PLEKHH2: variants seen among roughly 807,000 people sequenced by gnomAD.
PLEKHH2 encodes the protein pleckstrin homology domain-containing family H member 2.
In PLEKHH2, 129 loss-of-function variants were observed where a neutral mutation model predicts 187.9. That is an observed-to-expected ratio of 0.69 (90% CI 0.59 to 0.79). The LOEUF (loss-of-function observed/expected upper bound fraction) is 0.79, where lower values mean the gene tolerates loss of function less well. Ranked by LOEUF, PLEKHH2 falls within the 30% of genes least tolerant of loss-of-function variation. The pLI is 0.00. For synonymous variants in PLEKHH2, 686 were observed against 605.6 expected, an observed-to-expected ratio of 1.13 and a Z score of -1.95; for missense variants, 2,076 against 1,751.2, an observed-to-expected ratio of 1.19 and a Z score of -3.31.
At chr2:43,721,750 G>T (rs974655367) in intron 16 of PLEKHH2, among the ~76,000 whole-genome samples, 1 of 152,094 alleles carries the variant, frequency 6.6e-6, no homozygotes, top group Non-Finnish European at 1.5e-5. Context: ...GCTGAGTGTG[G>T]TAGTGTGTGC....
At chr2:43,676,890 A>G (rs1339069349) in intron 2 of PLEKHH2, among the ~76,000 whole-genome samples, 1 of 152,206 alleles carries the variant, frequency 6.6e-6, no homozygotes, top group African/African-American at 2.4e-5. Flanking sequence ...ATGAGAACAC[A>G]CCACTTCCTT....
At chr2:43,704,824 T>A (rs1669574244) in intron 9 of PLEKHH2, among the ~76,000 whole-genome samples, 1 of 152,252 alleles carries the variant, frequency 6.6e-6, no homozygotes, top group South Asian at 2.1e-4. Flanking sequence ...TGTGTAAACT[T>A]TCAAAAAATG....
chr2:43,762,237 A>G, intron 27 of PLEKHH2, 67 bp from the exon 28 acceptor site: 1 of 1,212,524 alleles, frequency 8.2e-7, no homozygotes, highest in South Asian at 1.3e-5. Flanking sequence ...CATGACATTT[A>G]GACTGAAAAA....
intron 11 of PLEKHH2, 61 bp downstream of exon 11, chr2:43,707,606 T>C (rs1669726066): frequency 6.3e-7 from 1 of 1,580,816 alleles, no homozygotes; most frequent in Non-Finnish European, 8.6e-7. Flanking sequence ...TAATTGGGAA[T>C]TTTATCTCCA....
intron 10 of PLEKHH2, 56 bp from the exon 11 acceptor site, chr2:43,707,345 T>G: frequency 6.3e-7 from 1 of 1,596,550 alleles, no homozygotes; most frequent in Non-Finnish European, 8.6e-7. Context: ...AGCCTTTTCT[T>G]GGATGAGTGG....
At chr2:43,683,784 C>CT (rs569473543) in intron 3 of PLEKHH2, among the ~76,000 whole-genome samples, 25,124 of 148,116 alleles carry the variant, frequency 0.17, 2,142 homozygotes, top group Middle Eastern at 0.26. Flanking sequence ...CTCTCTCTCT[C>CT]TTTTTTTTTT....
At chr2:43,705,251 C>CTTTTTTTTTTTTTTTTT (rs5830767) in intron 9 of PLEKHH2, among the ~76,000 whole-genome samples, 1 of 95,868 alleles carries the variant, frequency 1.0e-5, no homozygotes, top group Non-Finnish European at 1.9e-5. Context: ...AAATTTTATC[C>CTTTTTTTTTTTTTTTTT]TTTTTTTTTT....
intron 3 of PLEKHH2, among the ~76,000 whole-genome samples, chr2:43,690,173 C>A (rs553190716): frequency 1.3e-5 from 2 of 152,348 alleles, no homozygotes; most frequent in East Asian, 3.9e-4. Flanking sequence ...GATTACTGTT[C>A]AGCTGTCTGT....
chr2:43,685,804 C>G (rs950065799), intron 3 of PLEKHH2, among the ~76,000 whole-genome samples: 6 of 152,134 alleles, frequency 3.9e-5, no homozygotes, highest in African/African-American at 1.4e-4. Flanking sequence ...CAAATCAACC[C>G]AGTTCTACTT....
intron 8 of PLEKHH2, among the ~76,000 whole-genome samples, chr2:43,702,414 T>C (rs1192612440): frequency 2.6e-5 from 4 of 152,142 alleles, no homozygotes. Context: ...ATTCTAATTA[T>C]GTTATACTTT....
chr2:43,764,502 C>T (rs1020513016), intron 29 of PLEKHH2, 137 bp downstream of exon 29: 1 of 864,950 alleles, frequency 1.2e-6, no homozygotes, highest in Middle Eastern at 2.4e-4. Context: ...GATGGGAAAA[C>T]AGACGTTATT....
chr2:43,688,722 A>G (rs762383404), intron 3 of PLEKHH2, among the ~76,000 whole-genome samples: 2 of 152,206 alleles, frequency 1.3e-5, no homozygotes, highest in Non-Finnish European at 2.9e-5. Context: ...ATTAAAATCA[A>G]CAAAGGAAAA....
intron 9 of PLEKHH2, 40 bp downstream of exon 9, chr2:43,704,096 G>A: frequency 7.1e-7 from 1 of 1,399,520 alleles, no homozygotes; most frequent in Non-Finnish European, 1.0e-6. Context: ...TGAACCTTGA[G>A]GACTTTGTGC....
intron 1 of PLEKHH2, among the ~76,000 whole-genome samples, chr2:43,643,773 G>A (rs1485578906): frequency 6.6e-6 from 1 of 152,050 alleles, no homozygotes; most frequent in Non-Finnish European, 1.5e-5. Context: ...ATTAAAAATA[G>A]CCTGATAAAA....
At chr2:43,745,845 A>C (rs1411714033) in intron 23 of PLEKHH2, 21 bp from the exon 24 acceptor site, 2 of 1,555,276 alleles carry the variant, frequency 1.3e-6, no homozygotes, top group Admixed American at 1.7e-5. Flanking sequence ...TGTAAATCTC[A>C]GTTTTCCACT....
chr2:43,675,975 C>A (rs779846287), intron 2 of PLEKHH2: 9 of 1,613,884 alleles, frequency 5.6e-6, no homozygotes, highest in Non-Finnish European at 6.8e-6. Flanking sequence ...TCTGTACCCA[C>A]CTGTCATTAC....
intron 2 of PLEKHH2, among the ~76,000 whole-genome samples, chr2:43,669,669 A>G (rs1574504920): frequency 6.6e-6 from 1 of 152,104 alleles, no homozygotes; most frequent in Admixed American, 6.5e-5. Context: ...TAAACTCAAC[A>G]CATAATGCTT....
intron 24 of PLEKHH2, among the ~76,000 whole-genome samples, chr2:43,749,433 C>A (rs117008891): frequency 4.0e-4 from 61 of 152,326 alleles, no homozygotes; most frequent in East Asian, 3.5e-3. Flanking sequence ...AGCTCCCCGA[C>A]CACCTTGGGT....
intron 3 of PLEKHH2, among the ~76,000 whole-genome samples, chr2:43,683,250 A>G (rs1314316843): frequency 7.1e-6 from 1 of 139,884 alleles, no homozygotes; most frequent in African/African-American, 2.7e-5. Context: ...CGTTCAAGCC[A>G]TTCTCCTGCC....
Sources: gnomAD v4.1 joint callset for allele counts (sites outside exome capture counted in the v4.1 genomes callset) on GRCh38, gnomAD v4.1.1 for gene constraint, MANE v1.5 for transcripts, NCBI Gene and HGNC (gene_info 2026-07-23, HGNC 2026-07-21) for gene names.